Variants in BOD1L1 observed in about 807,000 individuals in gnomAD.
The protein encoded by BOD1L1 is biorientation of chromosomes in cell division protein 1-like 1.
BOD1L1 carries 86 observed loss-of-function variants against 240.7 expected under a neutral mutation model. The ratio of observed to expected loss-of-function variants is 0.36; its 90% CI spans 0.30 to 0.43. BOD1L1 has a LOEUF of 0.43. Among genes scored for constraint, BOD1L1 ranks in the 20% least tolerant of loss-of-function variants. BOD1L1 has a pLI of 1.00. For synonymous variants in BOD1L1, 1,268 were observed against 1,272.3 expected (o/e 1.00, Z 0.07); for missense variants, 3,554 against 3,643.5 (o/e 0.98, Z 0.63).
chr4:13,622,195 A>G (rs375959748), intron 1 of BOD1L1, among the ~76,000 whole-genome samples: 38 of 152,198 alleles, frequency 2.5e-4, no homozygotes, highest in South Asian at 1.5e-3. Flanking sequence ...TTTCTCCCCA[A>G]TGATTCTAAA....
In BOD1L1 at chr4:13,599,757, C is replaced by T; in HGVS notation, c.7143G>A (p.Glu2381=). 2 of 1,614,016 alleles carry T rather than the reference C, an allele frequency of 1.2e-6. No individual in the cohort carries two copies. Among genetic ancestry groups the T allele is most frequent in the Non-Finnish European group, 1.7e-6 (2 of 1,179,898 alleles). The stretch of plus-strand genomic sequence containing the variant: ...CTGGCCCAGGACACCGACAGTTATT[C>T]TCAGCAATTAGGCTGGGCATGGGGA... ...HKVPMPSLIA[E]NNCRCPGPVR... is the part of the protein sequence containing the mutation. Residue 2381 remains glutamate (E), a synonymous_variant, in exon 10 of 26, where the codon GAG becomes GAA. Coordinates refer to ENST00000040738, the MANE Select transcript of BOD1L1 (RefSeq NM_148894.3).
Position 13,603,667 on chromosome 4 carries a change from A to G in BOD1L1, c.3233T>C (p.Leu1078Ser). The change falls in exon 10 of 26, where the codon TTG (leucine) becomes TCG (serine). Residue 1078 changes from leucine to serine, a missense_variant. This residue lies in a region of BOD1L1 where 3,393 missense variants were observed against 3,427.1 expected (regional missense o/e 0.99). Transcript: ENST00000040738. ...TTCTCCTTTGGCCATTTCTTGTGAC[A>G]AGCTTCCTCTCCGATTTTCGCACAA... The part of the protein sequence containing the change: ...RRLCENRRGS[L>S]SQEMAKGEEK... 1.2e-6 allele frequency: 2 copies of G among 1,613,870 alleles called. No individual in the cohort carries two copies. Among genetic ancestry groups the G allele is most frequent in the East Asian group, 4.5e-5 (2 of 44,882 alleles).
chr4:13,610,345 G>T (rs909238827), intron 6 of BOD1L1, among the ~76,000 whole-genome samples: 97 of 151,194 alleles, frequency 6.4e-4, no homozygotes, highest in African/African-American at 2.3e-3. Context: ...TGCAGGACTG[G>T]ATCTACACTT....
At chr4:13,591,010 G>A (rs1714161794) in intron 13 of BOD1L1, among the ~76,000 whole-genome samples, 2 of 151,924 alleles carry the variant, frequency 1.3e-5, no homozygotes, top group South Asian at 4.2e-4. Context: ...CATGCCAGCT[G>A]GCTCGGTAAG....
chr4:13,603,065 C>G lies in BOD1L1; in HGVS notation c.3835G>C (p.Asp1279His). ...ACTGAACTTAAGGATGGTGAGGAGT[C>G]TAAATTTGTGGAATGTTCAAGAGTG... is the stretch of plus-strand genomic sequence containing the variant. Reference protein sequence around the residue: ...DATLEHSTNLDSSPSLSSVTV... With the variant: ...DATLEHSTNLHSSPSLSSVTV... Residue 1279 changes from aspartate (D) to histidine (H), a missense_variant, in exon 10 of 26, where the codon GAC becomes CAC. Asp to His is a moderately conservative substitution (Grantham distance 81). Around this residue, in one of 2 missense-constraint regions of BOD1L1, gnomAD observed 3,393 missense variants for 3,427.1 expected, o/e 0.99. Coordinates refer to ENST00000040738, the MANE Select transcript of BOD1L1 (RefSeq NM_148894.3). 3 of 1,613,988 alleles carry G rather than the reference C, an allele frequency of 1.9e-6. No individual in the cohort carries two copies. Among genetic ancestry groups the G allele is most frequent in the Non-Finnish European group, 2.5e-6 (3 of 1,179,890 alleles).
At chr4:13,612,381 G>A (rs1716242607) in intron 5 of BOD1L1, among the ~76,000 whole-genome samples, 1 of 152,106 alleles carries the variant, frequency 6.6e-6, no homozygotes, top group African/African-American at 2.4e-5. Context: ...TAATCATGTG[G>A]TAAGAGCAAC....
intron 25 of BOD1L1, among the ~76,000 whole-genome samples, chr4:13,573,474 T>TCTATCTATCTATCTA (rs1560175491): frequency 8.0e-3 from 190 of 23,830 alleles, no homozygotes; most frequent in Middle Eastern, 0.11. Context: ...CTATCTATCT[T>TCTATCTATCTATCTA]TCTTTCTTTC....
Position 13,600,934 on chromosome 4 carries a change from C to T in BOD1L1, c.5966G>A (p.Ser1989Asn), listed in dbSNP as rs755683006. 10 of 1,613,994 alleles carry T rather than the reference C, an allele frequency of 6.2e-6. No homozygotes were observed. The Middle Eastern group carries it at 1.3e-3, about 213-fold the overall frequency. The stretch of plus-strand genomic sequence containing the variant: ...GGTATCTTCAACTTTTTCGAGCTGA[C>T]TGTCACTTTGATCAGATGCAGCACT... The part of the protein sequence containing the change: ...MTSAASDQSD[S>N]QLEKVEDTTI... Residue 1989 changes from serine (S) to asparagine (N), a missense_variant, in exon 10 of 26, where the codon AGT becomes AAT. Transcript: ENST00000040738.
Position 13,588,721 on chromosome 4 carries a change from C to T in BOD1L1, c.8280+1G>A. ...AAACACTTGAGTTTATTAAAATGCA[C>T]CTCTTTAGGATCTGCTTCAACACTG... On this transcript the variant is annotated splice_donor_variant, in intron 15 of 25. Coordinates refer to ENST00000040738, the MANE Select transcript of BOD1L1 (RefSeq NM_148894.3). LOFTEE classifies it high-confidence loss of function. The T allele has an allele frequency of 6.3e-7, 1 of 1,592,486 alleles. No homozygotes were observed. The highest frequency in any genetic ancestry group is 8.6e-7 in the Non-Finnish European group (1 of 1,169,074).
At chr4:13,620,598 G>C (rs934707044) in intron 1 of BOD1L1, among the ~76,000 whole-genome samples, 1 of 152,178 alleles carries the variant, frequency 6.6e-6, no homozygotes, top group Non-Finnish European at 1.5e-5. Context: ...GTTGGGGCCA[G>C]GTGCTAAAAA....
rs1350513413 is a variant in BOD1L1 at position 13,613,506 on chromosome 4, C to T, written c.1324+6G>A. The T allele has an allele frequency of 6.2e-7, 1 of 1,608,882 alleles. No individual in the cohort carries two copies. Among genetic ancestry groups the T allele is most frequent in the South Asian group, 1.1e-5 (1 of 90,588 alleles). ...TTCAGAGGCATTATTATGTAAAATG[C>T]TTTACCATCTGACGTAATCTCTCCT... On this transcript the variant is annotated splice_donor_region_variant and intron_variant, in intron 5 of 25. Transcript: ENST00000040738. The surrounding 1 kb of genome is among the most constrained non-coding windows in gnomAD (Gnocchi z 4.0).
intron 25 of BOD1L1, chr4:13,572,939 G>C: frequency 2.0e-6 from 2 of 1,024,978 alleles, no homozygotes; most frequent in Non-Finnish European, 2.5e-6. Flanking sequence ...GGGCAAGTCA[G>C]AACAATAGGA....
chr4:13,615,614 T>A lies in BOD1L1; in HGVS notation c.369-112A>T. 3.9e-6 allele frequency: 4 copies of A among 1,024,426 alleles called. 1 individual carries two copies. Among genetic ancestry groups the A allele is most frequent in the South Asian group, 3.7e-5 (2 of 54,742 alleles). 63.5% of individuals were successfully genotyped at this position (1,024,426 alleles called of 1,614,324 possible). On this transcript the variant is annotated intron_variant, in intron 2 of 25. Coordinates refer to ENST00000040738, the MANE Select transcript of BOD1L1 (RefSeq NM_148894.3). ...ATCTATCTATCCATCCATCCAACCT[T>A]AAATTGTCCCAATCCATTTACTTGG...
In BOD1L1 at chr4:13,602,306, G is replaced by T; in HGVS notation, c.4594C>A (p.Pro1532Thr). The T allele has an allele frequency of 6.2e-7, 1 of 1,613,918 alleles. No individual in the cohort carries two copies. The highest frequency in any genetic ancestry group is 8.5e-7 in the Non-Finnish European group (1 of 1,179,860). The change falls in exon 10 of 26, where the codon CCA (proline) becomes ACA (threonine). Residue 1532 changes from proline to threonine, a missense_variant. Physicochemically the swap from Pro to Thr is conservative, Grantham distance 38 (BLOSUM62 -1). Around this residue, in one of 2 missense-constraint regions of BOD1L1, gnomAD observed 3,393 missense variants for 3,427.1 expected, o/e 0.99. Coordinates refer to ENST00000040738, the MANE Select transcript of BOD1L1 (RefSeq NM_148894.3). Reference protein sequence around the residue: ...EGKDKDVTLSPVKAGPATTTS... With the variant: ...EGKDKDVTLSTVKAGPATTTS... The stretch of plus-strand genomic sequence containing the variant: ...GTTGTGGCAGGCCCAGCCTTCACTG[G>T]ACTTAAGGTGACATCTTTGTCCTTC...
intron 22 of BOD1L1, chr4:13,578,338 C>T (rs1157410974): frequency 6.6e-6 from 1 of 152,168 alleles, no homozygotes; most frequent in Non-Finnish European, 1.5e-5. Flanking sequence ...CGGAGCATCC[C>T]TAATCTGATG....
At chr4:13,592,569 TTC>T (rs1284295938) in intron 12 of BOD1L1, 1 of 152,248 alleles carries the variant, frequency 6.6e-6, no homozygotes, top group Non-Finnish European at 1.5e-5. Flanking sequence ...AAATGTTAGC[TTC>T]TTGACAATTA....
At chr4:13,590,808 GA>G (rs1319831301) in intron 13 of BOD1L1, among the ~76,000 whole-genome samples, 1 of 151,960 alleles carries the variant, frequency 6.6e-6, no homozygotes, top group African/African-American at 2.4e-5. Flanking sequence ...TCTGTAATAA[GA>G]TTTCCTATTT....
chr4:13,576,271 C>T (rs539189560), intron 25 of BOD1L1, among the ~76,000 whole-genome samples: 141 of 152,282 alleles, frequency 9.3e-4, no homozygotes, highest in African/African-American at 3.2e-3. Context: ...CAATGACATT[C>T]CCAAACTCAT....
rs1376082326 is a variant in BOD1L1, at chr4:13,569,220, T to C, written c.*791A>G. 1 of 152,148 alleles carries C rather than the reference T, an allele frequency of 6.6e-6. No individual in the cohort carries two copies. The highest frequency in any genetic ancestry group is 2.4e-5 in the African/African-American group (1 of 41,418). The allele number at this position is 152,148 out of a possible 1,614,324, so 9.4% of individuals were successfully genotyped here. ...GAGGAATGAACACAGAGAAGAGGAA[T>C]GAAGAGGGATTTCTGCTGCAGGTGA... On this transcript the variant is annotated 3_prime_UTR_variant, in exon 26 of 26. Coordinates refer to ENST00000040738, the MANE Select transcript of BOD1L1 (RefSeq NM_148894.3).
Sources: gnomAD v4.1 joint callset for allele counts (sites outside exome capture counted in the v4.1 genomes callset) on GRCh38, gnomAD v4.1.1 for gene constraint, gnomAD v4.1.1 regional missense constraint, Gnocchi (gnomAD v3.1) non-coding constraint, MANE v1.5 for transcripts, NCBI Gene and HGNC (gene_info 2026-07-23, HGNC 2026-07-21) for gene names.